IQGAP2: variants seen among roughly 807,000 people sequenced by gnomAD.
IQGAP2 encodes the protein ras GTPase-activating-like protein IQGAP2.
IQGAP2 carries 173 observed loss-of-function variants against 201.3 expected under a neutral mutation model. That is an observed-to-expected ratio of 0.86 (90% CI 0.76 to 0.98). The LOEUF (loss-of-function observed/expected upper bound fraction) is 0.98, where lower values mean the gene tolerates loss of function less well. Among genes scored for constraint, IQGAP2 ranks in the 50% least tolerant of loss-of-function variants. IQGAP2 has a pLI of 0.00. For synonymous variants in IQGAP2, 675 were observed against 673.9 expected (o/e 1.00, Z -0.03); for missense variants, 1,687 against 1,864.8 (o/e 0.90, Z 1.76).
chr5:76,694,285 T>A (rs2150540666), intron 31 of IQGAP2, among the ~76,000 whole-genome samples: 1 of 152,312 alleles, frequency 6.6e-6, no homozygotes, highest in East Asian at 1.9e-4. Context: ...TAAAAATTTT[T>A]AATAAAAAAT....
chr5:76,645,617 T>G (rs946925832), intron 17 of IQGAP2, among the ~76,000 whole-genome samples: 1 of 152,224 alleles, frequency 6.6e-6, no homozygotes, highest in Non-Finnish European at 1.5e-5. Flanking sequence ...TGAGCTTTTT[T>G]TCATGTTTGT....
chr5:76,663,569 T>C (rs187934045), intron 21 of IQGAP2, among the ~76,000 whole-genome samples: 7 of 152,272 alleles, frequency 4.6e-5, no homozygotes, highest in Non-Finnish European at 8.8e-5. Context: ...ATAGAAAATA[T>C]CAGCATGTAC....
At chr5:76,420,640 G>C (rs924469309) in intron 1 of IQGAP2, among the ~76,000 whole-genome samples, 1 of 152,178 alleles carries the variant, frequency 6.6e-6, no homozygotes, top group African/African-American at 2.4e-5. Flanking sequence ...CTCCCAAAGG[G>C]CTGGGATTAC....
intron 2 of IQGAP2, among the ~76,000 whole-genome samples, chr5:76,525,348 T>C (rs1758911307): frequency 6.6e-6 from 1 of 152,252 alleles, no homozygotes; most frequent in South Asian, 2.1e-4. Flanking sequence ...GTTGTGGTTT[T>C]GCCCATCATA....
At chr5:76,667,618 T>C (rs1743896686) in intron 22 of IQGAP2, among the ~76,000 whole-genome samples, 1 of 152,116 alleles carries the variant, frequency 6.6e-6, no homozygotes, top group Non-Finnish European at 1.5e-5. Context: ...TCCACGTCCA[T>C]TTTAAGTTCT....
chr5:76,450,231 T>C (rs1043570475), intron 1 of IQGAP2, among the ~76,000 whole-genome samples: 1 of 152,200 alleles, frequency 6.6e-6, no homozygotes, highest in African/African-American at 2.4e-5. Flanking sequence ...GTATACATTA[T>C]CTTCAGCCTG....
chr5:76,474,862 A>C (rs1368585817), intron 2 of IQGAP2, among the ~76,000 whole-genome samples: 1 of 152,120 alleles, frequency 6.6e-6, no homozygotes, highest in Non-Finnish European at 1.5e-5. Flanking sequence ...ACAGGCATGC[A>C]TCACCACACC....
intron 26 of IQGAP2, among the ~76,000 whole-genome samples, 169 bp downstream of exon 26, chr5:76,674,205 G>A (rs1744603394): frequency 6.6e-6 from 1 of 152,104 alleles, no homozygotes; most frequent in Non-Finnish European, 1.5e-5. Flanking sequence ...GGTTAATTTG[G>A]AGATCCTAGA....
In IQGAP2 at chr5:76,594,449, T is replaced by C. The variant is rs1045933098; in HGVS notation, c.907+1524T>C. On this transcript the variant is annotated intron_variant, in intron 9 of 35. Coordinates refer to ENST00000274364, the MANE Select transcript of IQGAP2 (RefSeq NM_006633.5). ...TGCCAAATTGGCTATACTTTTTTTTTCCATTTTTAAGTAAAAGGCATTGGA... is the reference window on the plus strand; with the variant it reads ...TGCCAAATTGGCTATACTTTTTTTTCCCATTTTTAAGTAAAAGGCATTGGA... 4.6e-5 allele frequency among the ~76,000 whole-genome samples: 7 copies of C among 152,364 alleles called. 1 individual carries two copies. The highest frequency in any genetic ancestry group is 4.6e-4 in the Admixed American group (7 of 15,306).
intron 1 of IQGAP2, among the ~76,000 whole-genome samples, chr5:76,414,053 T>C (rs527538631): frequency 1.3e-5 from 2 of 152,324 alleles, no homozygotes; most frequent in Admixed American, 6.5e-5. Context: ...AACTGGAATG[T>C]TGAAGCCATT....
At position 76,590,411 on chromosome 5, in the gene IQGAP2, A is replaced by C. The variant is rs1355091652; in HGVS notation, c.644A>C (p.His215Pro). Reference sequence around the variant, plus strand: ...TCTCTCTCTCTTTACTTTTTAGTACATGCTGCAGTTATAGCCATTAATGAA... The same window carrying C: ...TCTCTCTCTCTTTACTTTTTAGTACCTGCTGCAGTTATAGCCATTAATGAA... ...NELSVDEAAL[H>P]AAVIAINEAV... is the part of the protein sequence containing the mutation. The change falls in exon 8 of 36, where the codon CAT becomes CCT. Residue 215 changes from histidine (H) to proline (P), a missense_variant. By Grantham distance (77) the His-to-Pro change is moderately conservative (BLOSUM62 -2). Coordinates refer to ENST00000274364, the MANE Select transcript of IQGAP2 (RefSeq NM_006633.5). 1 of 1,598,528 alleles carries C rather than the reference A, an allele frequency of 6.3e-7. No individual in the cohort carries two copies.
rs61258350 is a variant in IQGAP2, at chr5:76,460,860, C to CT, written c.47-687dup. 3.6e-3 allele frequency among the ~76,000 whole-genome samples: 413 copies of CT among 113,484 alleles called. 2 individuals are homozygous for CT. The highest frequency in any genetic ancestry group is 4.9e-3 in the Middle Eastern group (1 of 204). 74.4% of individuals were successfully genotyped at this position (113,484 alleles called of 152,430 possible). On this transcript the variant is annotated intron_variant, in intron 1 of 35. Coordinates refer to ENST00000274364, the MANE Select transcript of IQGAP2 (RefSeq NM_006633.5). ...GAAGCTCCTGCCCGTTTGCACACTG[C>CT]TTTTTTTTTTTTTTTTTTTTTTTCC...
At chr5:76,436,509 ATATATATATTTTTTTTTTTTTTT>A (rs1752691451) in intron 1 of IQGAP2, among the ~76,000 whole-genome samples, 1 of 26,438 alleles carries the variant, frequency 3.8e-5, no homozygotes, top group Non-Finnish European at 5.7e-5. Flanking sequence ...ATATATATAT[ATATATATATTTTTTTTTTTTTTT>A]TTTTTTTTTT....
At chr5:76,435,836 T>C (rs1168104771) in intron 1 of IQGAP2, among the ~76,000 whole-genome samples, 1 of 152,248 alleles carries the variant, frequency 6.6e-6, no homozygotes, top group Non-Finnish European at 1.5e-5. Context: ...TGTTTACGTT[T>C]GCTTGTATCA....
intron 2 of IQGAP2, among the ~76,000 whole-genome samples, chr5:76,513,060 GA>G (rs11369662): frequency 3.4e-5 from 5 of 147,640 alleles, no homozygotes; most frequent in African/African-American, 5.0e-5. Flanking sequence ...GTCTCAAAAA[GA>G]AAAAAAAAAA....
chr5:76,672,661 A>AT (rs1203433886), intron 24 of IQGAP2, among the ~76,000 whole-genome samples: 3 of 152,272 alleles, frequency 2.0e-5, no homozygotes, highest in East Asian at 3.9e-4. Context: ...GCAATAACCC[A>AT]TTTTTCTGGG....
intron 17 of IQGAP2, among the ~76,000 whole-genome samples, chr5:76,644,711 A>G (rs928510335): frequency 2.0e-5 from 3 of 152,176 alleles, no homozygotes; most frequent in Non-Finnish European, 2.9e-5. Context: ...TGTCATGGCT[A>G]TGCACAAGAG....
intron 2 of IQGAP2, among the ~76,000 whole-genome samples, chr5:76,478,387 A>G (rs1046755628): frequency 9.2e-5 from 14 of 152,192 alleles, no homozygotes; most frequent in Non-Finnish European, 1.6e-4. Context: ...GGAGACAGTG[A>G]GACTCCGCCT....
intron 14 of IQGAP2, 129 bp from the exon 15 acceptor site, chr5:76,631,730 G>C (rs1750723051): frequency 1.6e-6 from 1 of 609,070 alleles, no homozygotes; most frequent in East Asian, 3.1e-5. Flanking sequence ...GGGCATATGT[G>C]GTAAATATTC....
Sources: gnomAD v4.1 joint callset for allele counts (sites outside exome capture counted in the v4.1 genomes callset) on GRCh38, gnomAD v4.1.1 for gene constraint, MANE v1.5 for transcripts, NCBI Gene and HGNC (gene_info 2026-07-23, HGNC 2026-07-21) for gene names.